The following UNC5C variants were observed in gnomAD, a reference collection of about 807,000 sequenced individuals.
The protein encoded by UNC5C is unc-5 netrin receptor C, also known as netrin receptor UNC5C.
UNC5C carries 47 observed loss-of-function variants against 99.8 expected under a neutral mutation model. The observed-to-expected ratio is 0.47, with a 90% confidence interval of 0.37 to 0.60. The LOEUF (loss-of-function observed/expected upper bound fraction) is 0.60, where lower values mean the gene tolerates loss of function less well. Ranked by LOEUF, UNC5C falls within the 20% of genes least tolerant of loss-of-function variation. The pLI, the probability that UNC5C is intolerant of heterozygous loss-of-function variation, is 0.00. For missense variants in UNC5C, 1,062 were observed against 1,165.9 expected, an observed-to-expected ratio of 0.91 and a Z score of 1.30; for synonymous variants, 487 against 452.2, an observed-to-expected ratio of 1.08 and a Z score of -0.98.
chr4:95,436,626 T>C (rs1270388680), intron 1 of UNC5C, among the ~76,000 whole-genome samples: 1 of 151,652 alleles, frequency 6.6e-6, no homozygotes, highest in Non-Finnish European at 1.5e-5. Flanking sequence ...AGTCTAGGAG[T>C]AACTCAGGGA....
At chr4:95,243,530 G>A (rs1739398880) in intron 6 of UNC5C, among the ~76,000 whole-genome samples, 1 of 151,950 alleles carries the variant, frequency 6.6e-6, no homozygotes, top group African/African-American at 2.4e-5. Flanking sequence ...GATGATCAAG[G>A]ATTCAATGTA....
intron 1 of UNC5C, among the ~76,000 whole-genome samples, chr4:95,373,405 A>G (rs2149439490): frequency 6.6e-6 from 1 of 152,248 alleles, no homozygotes; most frequent in Middle Eastern, 3.4e-3. Flanking sequence ...CCTTCTAGGT[A>G]TCCACATATC....
intron 1 of UNC5C, among the ~76,000 whole-genome samples, chr4:95,340,418 A>C (rs1478715362): frequency 1.3e-5 from 2 of 152,148 alleles, no homozygotes; most frequent in Non-Finnish European, 2.9e-5. Flanking sequence ...TTGGCTACCC[A>C]TCCATCAGAG....
intron 1 of UNC5C, among the ~76,000 whole-genome samples, chr4:95,345,090 A>G (rs1743721081): frequency 6.6e-6 from 1 of 152,012 alleles, no homozygotes; most frequent in South Asian, 2.1e-4. Flanking sequence ...AATAAGACCC[A>G]ATGATCTGTT....
chr4:95,353,250 G>T (rs568791335), intron 1 of UNC5C, among the ~76,000 whole-genome samples: 1 of 151,898 alleles, frequency 6.6e-6, no homozygotes, highest in African/African-American at 2.4e-5. Flanking sequence ...ACACCTAAGC[G>T]GGTTCTAAAA....
intron 1 of UNC5C, among the ~76,000 whole-genome samples, chr4:95,393,531 GC>G (rs1745419331): frequency 6.6e-6 from 1 of 152,126 alleles, no homozygotes. Flanking sequence ...ATTCCACTTG[GC>G]ACTCAGGACT....
chr4:95,248,479 T>A lies in UNC5C; in HGVS notation c.775+2008A>T, dbSNP rs1180147561. 5.1e-5 allele frequency: 23 copies of A among 450,058 alleles called. No individual in the cohort carries two copies. The East Asian group carries it at 1.6e-3, about 31-fold the overall frequency. 27.9% of individuals were successfully genotyped at this position (450,058 alleles called of 1,614,324 possible). On this transcript the variant is annotated intron_variant, in intron 5 of 15. Transcript: ENST00000453304. ...TCTGGATCGTAACTTCCCCGTGGTC[T>A]CAACTTCCTGTCCTTGAGGATAAGA...
intron 1 of UNC5C, among the ~76,000 whole-genome samples, chr4:95,492,025 T>C (rs994312366): frequency 2.0e-5 from 3 of 151,432 alleles, no homozygotes; most frequent in African/African-American, 7.3e-5. Flanking sequence ...TTGTGCAAAA[T>C]GTTACAAGAA....
chr4:95,483,995 T>G (rs1721252041), intron 1 of UNC5C, among the ~76,000 whole-genome samples: 1 of 151,768 alleles, frequency 6.6e-6, no homozygotes, highest in Admixed American at 6.6e-5. Flanking sequence ...AATGGTGAAT[T>G]TAAGAGTCCT....
At chr4:95,495,553 A>G (rs1262348290) in intron 1 of UNC5C, among the ~76,000 whole-genome samples, 1 of 151,644 alleles carries the variant, frequency 6.6e-6, no homozygotes, top group Non-Finnish European at 1.5e-5. Flanking sequence ...GATCACATTA[A>G]CTCCACATAG....
chr4:95,175,791 G>A (rs889175920), intron 14 of UNC5C, among the ~76,000 whole-genome samples: 1 of 152,122 alleles, frequency 6.6e-6, no homozygotes, highest in Admixed American at 6.6e-5. Context: ...GTGTTGGCCT[G>A]CCTTGCTAGA....
At chr4:95,369,897 T>C (rs1378671709) in intron 1 of UNC5C, among the ~76,000 whole-genome samples, 1 of 152,182 alleles carries the variant, frequency 6.6e-6, no homozygotes, top group East Asian at 1.9e-4. Flanking sequence ...CCCCCCTTTT[T>C]TTTTTCAAAA....
chr4:95,383,293 A>G (rs1745124256), intron 1 of UNC5C, among the ~76,000 whole-genome samples: 1 of 151,648 alleles, frequency 6.6e-6, no homozygotes, highest in Non-Finnish European at 1.5e-5. Context: ...ACACACACTT[A>G]TTTATTGTTA....
intron 1 of UNC5C, among the ~76,000 whole-genome samples, chr4:95,458,289 T>C (rs1478756884): frequency 2.0e-5 from 3 of 152,018 alleles, no homozygotes; most frequent in Admixed American, 2.0e-4. Flanking sequence ...TAGGGGTAAC[T>C]GAGATAAAAA....
chr4:95,370,793 G>T (rs184024988), intron 1 of UNC5C, among the ~76,000 whole-genome samples: 1 of 152,184 alleles, frequency 6.6e-6, no homozygotes, highest in African/African-American at 2.4e-5. Context: ...CATAAGAAAA[G>T]CACTACATGA....
intron 4 of UNC5C, among the ~76,000 whole-genome samples, chr4:95,254,931 C>T: frequency 6.6e-6 from 1 of 151,796 alleles, no homozygotes; most frequent in Non-Finnish European, 1.5e-5. Context: ...GCTCTCATCC[C>T]TTTGTCACTT....
intron 14 of UNC5C, 135 bp from the exon 15 acceptor site, chr4:95,170,467 GCTT>G (rs1422479133): frequency 1.8e-5 from 19 of 1,076,534 alleles, no homozygotes; most frequent in African/African-American, 1.1e-4. Context: ...AGGAAGAATG[GCTT>G]CTTCTTAGCC....
chr4:95,317,938 C>T (rs981919073), intron 2 of UNC5C, among the ~76,000 whole-genome samples: 3 of 151,894 alleles, frequency 2.0e-5, no homozygotes, highest in South Asian at 2.1e-4. Context: ...GGGCTGAATG[C>T]GGAATGGTGT....
chr4:95,509,816 A>G (rs1336634454), intron 1 of UNC5C, among the ~76,000 whole-genome samples: 1 of 151,966 alleles, frequency 6.6e-6, no homozygotes, highest in Non-Finnish European at 1.5e-5. Flanking sequence ...TATAAATAAC[A>G]TGAAAAGGTA....
Sources: allele counts gnomAD v4.1 joint callset (sites outside exome capture counted in the v4.1 genomes callset), GRCh38; gene constraint gnomAD v4.1.1; transcripts MANE v1.5; gene names NCBI Gene and HGNC (gene_info 2026-07-23, HGNC 2026-07-21).